The following ERP29 variants were observed in gnomAD, a reference collection of about 807,000 sequenced individuals.
The protein encoded by ERP29 is endoplasmic reticulum resident protein 29.
A neutral mutation model predicts 21.7 loss-of-function variants in ERP29; 14 were observed. The ratio of observed to expected loss-of-function variants is 0.64; its 90% CI spans 0.43 to 1.01. The LOEUF (loss-of-function observed/expected upper bound fraction) is 1.01, where lower values mean the gene tolerates loss of function less well. Among genes scored for constraint, ERP29 ranks in the 50% least tolerant of loss-of-function variants. The pLI is 0.00. For synonymous variants in ERP29, 129 were observed against 139.1 expected, an observed-to-expected ratio of 0.93 and a Z score of 0.51; for missense variants, 286 against 327.3, an observed-to-expected ratio of 0.87 and a Z score of 0.97.
chr12:112,021,759 C>T (rs1451893864), intron 2 of ERP29, among the ~76,000 whole-genome samples: 3 of 151,942 alleles, frequency 2.0e-5, no homozygotes, highest in Non-Finnish European at 4.4e-5. Context: ...AACTCCTGAC[C>T]TCGTGATCTG....
rs780992392 is a variant in ERP29 at position 112,013,435 on chromosome 12, T to C, written c.-31T>C. ...ACTCGGGGCGTTCTCCACTATCGCT[T>C]ACCTACCTCCCTCTGCAGGAACCCG... is the stretch of plus-strand genomic sequence containing the variant. On this transcript the variant is annotated 5_prime_UTR_variant, in exon 1 of 3. Transcript: ENST00000261735. 6.3e-7 allele frequency: 1 copy of C among 1,593,092 alleles called. No individual in the cohort carries two copies. Among genetic ancestry groups the C allele is most frequent in the Admixed American group, 1.8e-5 (1 of 56,382 alleles).
rs751205381 is a variant in ERP29, at chr12:112,022,512, T to A, written c.646T>A (p.Phe216Ile). ...MGKILDQGED[F>I]PASEMTRIAR... ...GAAGATCTTAGACCAAGGGGAGGAC[T>A]TCCCAGCATCAGAGATGACACGGAT... is the stretch of plus-strand genomic sequence containing the variant. Residue 216 changes from phenylalanine to isoleucine, a missense_variant, in exon 3 of 3, where the codon TTC (phenylalanine) becomes ATC (isoleucine). Transcript: ENST00000261735. 40 of 1,614,004 alleles carry A rather than the reference T, an allele frequency of 2.5e-5. No homozygotes were observed. Among genetic ancestry groups the A allele is most frequent in the Non-Finnish European group, 3.3e-5 (39 of 1,180,022 alleles).
chr12:112,018,081 A>C (rs2078024136), intron 1 of ERP29, among the ~76,000 whole-genome samples: 1 of 151,992 alleles, frequency 6.6e-6, no homozygotes, highest in South Asian at 2.1e-4. Context: ...CACTGTGCCC[A>C]GTCCAGAACA....
At position 112,022,241 on chromosome 12, in the gene ERP29, CT is replaced by C; in HGVS notation, c.378del (p.Phe126LeufsTer20). The C allele has an allele frequency of 6.2e-7, 1 of 1,613,772 alleles. No homozygotes were observed. Among genetic ancestry groups the C allele is most frequent in the Non-Finnish European group, 8.5e-7 (1 of 1,179,812 alleles). On this transcript the variant is annotated frameshift_variant, in exon 3 of 3. Transcript: ENST00000261735. LOFTEE classifies it high-confidence loss of function. The part of the protein sequence containing the change: ...PVFYLFRDGD[F>X]ENPVPYTGAV... ...TCTTCTACCTCTTCCGGGATGGGGA[CT>C]TTGAGAACCCAGTCCCATACACTGG... is the stretch of plus-strand genomic sequence containing the variant.
Position 112,019,994 on chromosome 12 carries a change from C to T in ERP29, c.283+100C>T. Reference sequence around the variant, plus strand: ...AATACCCAGCATCTTTCCTTCTGAGCCACTCTCAAGGAGTGTAAGTAAACA... The same window carrying T: ...AATACCCAGCATCTTTCCTTCTGAGTCACTCTCAAGGAGTGTAAGTAAACA... On this transcript the variant is annotated intron_variant, in intron 2 of 2. Coordinates refer to ENST00000261735, the MANE Select transcript of ERP29 (RefSeq NM_006817.4). The T allele has an allele frequency of 4.2e-6, 6 of 1,436,106 alleles. No homozygotes were observed. The Admixed American group carries it at 9.0e-5, about 22-fold the overall frequency. The allele number at this position is 1,436,106 out of a possible 1,614,324, so 89.0% of individuals were successfully genotyped here. A position where few individuals can be genotyped will look rare whatever the true frequency, so the allele number is the denominator to read the frequency against.
Position 112,022,214 on chromosome 12 carries a change from A to G in ERP29, c.348A>G (p.Pro116=). The G allele has an allele frequency of 6.2e-7, 1 of 1,614,134 alleles. No individual in the cohort carries two copies. The highest frequency in any genetic ancestry group is 8.5e-7 in the Non-Finnish European group (1 of 1,179,960). Reference sequence around the variant, plus strand: ...ACAAGCTGGACAAAGAGAGCTACCCAGTCTTCTACCTCTTCCGGGATGGGG... The same window carrying G: ...ACAAGCTGGACAAAGAGAGCTACCCGGTCTTCTACCTCTTCCGGGATGGGG... ...EKYKLDKESY[P]VFYLFRDGDF... The change falls in exon 3 of 3, where the codon CCA becomes CCG. Residue 116 remains proline (P), a synonymous_variant. Transcript: ENST00000261735.
chr12:112,022,349 C>A lies in ERP29; in HGVS notation c.483C>A (p.Tyr161Ter). 6.2e-7 allele frequency: 1 copy of A among 1,613,982 alleles called. No individual in the cohort carries two copies. Among genetic ancestry groups the A allele is most frequent in the Middle Eastern group, 1.6e-4 (1 of 6,062 alleles). ...YLGMPGCLPV[Y>*]DALAGEFIRA... ...GTATGCCTGGTTGCCTGCCTGTATACGACGCCCTGGCCGGGGAGTTCATCA... is the reference window on the plus strand; with the variant it reads ...GTATGCCTGGTTGCCTGCCTGTATAAGACGCCCTGGCCGGGGAGTTCATCA... The change falls in exon 3 of 3, where the codon TAC becomes TAA. Residue 161 changes from tyrosine to a stop codon, truncating the protein, a stop_gained. Transcript: ENST00000261735. LOFTEE classifies it high-confidence loss of function.
chr12:112,021,718 C>T (rs140923845), intron 2 of ERP29, among the ~76,000 whole-genome samples: 151 of 151,626 alleles, frequency 1.0e-3, no homozygotes, highest in African/African-American at 3.4e-3. Context: ...GCAGAGACAG[C>T]GGTTTCACTA....
chr12:112,013,839 C>T (rs1049137153), intron 1 of ERP29, among the ~76,000 whole-genome samples: 3 of 152,284 alleles, frequency 2.0e-5, no homozygotes, highest in African/African-American at 7.2e-5. Flanking sequence ...AGCATTTATA[C>T]TTGCATCCAC....
At chr12:112,013,705 A>AG in intron 1 of ERP29, 96 bp downstream of exon 1, 2 of 1,346,490 alleles carry the variant, frequency 1.5e-6, no homozygotes. Flanking sequence ...AGCTGACGGG[A>AG]GGTGGTCTGT....
chr12:112,015,828 C>T (rs1593724511), intron 1 of ERP29, among the ~76,000 whole-genome samples: 1 of 152,308 alleles, frequency 6.6e-6, no homozygotes, highest in Non-Finnish European at 1.5e-5. Flanking sequence ...CAACCATTCT[C>T]CTACTGTCTT....
intron 2 of ERP29, among the ~76,000 whole-genome samples, chr12:112,020,556 A>G (rs2078039457): frequency 6.6e-6 from 1 of 151,970 alleles, no homozygotes; most frequent in Non-Finnish European, 1.5e-5. Flanking sequence ...CTAAGTGTTT[A>G]GTCCCAGGCA....
chr12:112,022,887 C>A lies in ERP29; in HGVS notation c.*235C>A. On this transcript the variant is annotated 3_prime_UTR_variant, in exon 3 of 3. Coordinates refer to ENST00000261735, the MANE Select transcript of ERP29 (RefSeq NM_006817.4). The stretch of plus-strand genomic sequence containing the variant: ...TCAGGTGGCTGGTGAAATGACACCT[C>A]AGAAGGAATGAGTGCTATAGAGAGG... 1 of 555,622 alleles carries A rather than the reference C, an allele frequency of 1.8e-6. No individual in the cohort carries two copies. Among genetic ancestry groups the A allele is most frequent in the Non-Finnish European group, 3.2e-6 (1 of 312,028 alleles). The allele number at this position is 555,622 out of a possible 1,614,324, so 34.4% of individuals were successfully genotyped here.
At chr12:112,020,006 AGTGT>A in intron 2 of ERP29, 112 bp downstream of exon 2, 1 of 1,326,282 alleles carries the variant, frequency 7.5e-7, no homozygotes, top group Non-Finnish European at 1.1e-6. Context: ...ACTCTCAAGG[AGTGT>A]AAGTAAACAG....
At chr12:112,021,883 A>G (rs959713234) in intron 2 of ERP29, among the ~76,000 whole-genome samples, 1 of 152,158 alleles carries the variant, frequency 6.6e-6, no homozygotes, top group South Asian at 2.1e-4. Flanking sequence ...CATCTGACAC[A>G]TAGTGGGCAT....
intron 2 of ERP29, among the ~76,000 whole-genome samples, chr12:112,021,437 T>C (rs1232061906): frequency 1.3e-5 from 2 of 151,818 alleles, no homozygotes; most frequent in African/African-American, 4.8e-5. Context: ...TGTTTTGTTT[T>C]CCCTGTGGCA....
chr12:112,020,996 CAA>C (rs2078041405), intron 2 of ERP29, among the ~76,000 whole-genome samples: 1 of 152,226 alleles, frequency 6.6e-6, no homozygotes, highest in Non-Finnish European at 1.5e-5. Flanking sequence ...CGTTTCTCGG[CAA>C]AGTGTAAGAA....
At position 112,013,447 on chromosome 12, in the gene ERP29, T is replaced by C. The variant is rs772434345; in HGVS notation, c.-19T>C. The stretch of plus-strand genomic sequence containing the variant: ...CTCCACTATCGCTTACCTACCTCCC[T>C]CTGCAGGAACCCGGCGATATGGCTG... On this transcript the variant is annotated 5_prime_UTR_variant, in exon 1 of 3. Transcript: ENST00000261735. 1.9e-6 allele frequency: 3 copies of C among 1,603,956 alleles called. No homozygotes were observed. The Admixed American group carries it at 5.2e-5, about 28-fold the overall frequency.
At position 112,022,692 on chromosome 12, in the gene ERP29, G is replaced by A; in HGVS notation, c.*40G>A. 4 of 1,558,964 alleles carry A rather than the reference G, an allele frequency of 2.6e-6. No homozygotes were observed. The highest frequency in any genetic ancestry group is 3.5e-6 in the Non-Finnish European group (4 of 1,156,056). ...ATTTTCCAGGGTTTGGTGGGGGTAG[G>A]GAGGGGAGAGTTAACCTGCTGGCTG... is the stretch of plus-strand genomic sequence containing the variant. On this transcript the variant is annotated 3_prime_UTR_variant, in exon 3 of 3. Transcript: ENST00000261735.
Sources: allele counts gnomAD v4.1 joint callset (sites outside exome capture counted in the v4.1 genomes callset), GRCh38; gene constraint gnomAD v4.1.1; transcripts MANE v1.5; gene names NCBI Gene and HGNC (gene_info 2026-07-23, HGNC 2026-07-21).